The following ELP4 variants were observed in gnomAD, a reference collection of about 807,000 sequenced individuals.
ELP4 encodes the protein elongator acetyltransferase complex subunit 4.
Under a neutral mutation model 48.9 loss-of-function variants are expected in ELP4, and 51 were observed. The observed-to-expected ratio is 1.04, with a 90% CI of 0.83 to 1.32. The LOEUF (loss-of-function observed/expected upper bound fraction) is 1.32. Among genes scored for constraint, ELP4 ranks in the 40% most tolerant of loss-of-function variants. The pLI, the probability that ELP4 is intolerant of heterozygous loss-of-function variation, is 0.00. For missense variants in ELP4, 519 were observed against 514.6 expected, an observed-to-expected ratio of 1.01 and a Z score of -0.08; for synonymous variants, 210 against 189.2, an observed-to-expected ratio of 1.11 and a Z score of -0.90.
At chr11:31,770,967 C>T (rs1440367509) in intron 9 of ELP4, among the ~76,000 whole-genome samples, 1 of 152,018 alleles carries the variant, frequency 6.6e-6, no homozygotes, top group Non-Finnish European at 1.5e-5. Flanking sequence ...GAGGAGAATT[C>T]TTAAATGTCT....
intron 9 of ELP4, among the ~76,000 whole-genome samples, chr11:31,770,567 A>C (rs1458699166): frequency 1.4e-5 from 2 of 146,028 alleles, no homozygotes; most frequent in East Asian, 3.9e-4. Flanking sequence ...AAATTTCCAA[A>C]AAAAAAAAAA....
At chr11:31,713,304 A>G (rs1021413576) in intron 9 of ELP4, among the ~76,000 whole-genome samples, 3 of 152,206 alleles carry the variant, frequency 2.0e-5, no homozygotes, top group African/African-American at 2.4e-5. Context: ...GGTATAATCT[A>G]GCAATGGTAA....
chr11:31,585,483 C>A (rs1957456885), intron 3 of ELP4, among the ~76,000 whole-genome samples: 1 of 150,950 alleles, frequency 6.6e-6, no homozygotes, highest in Non-Finnish European at 1.5e-5. Flanking sequence ...CTCTTATAAC[C>A]TGAAGTTACA....
At chr11:31,716,492 A>G (rs1048535146) in intron 9 of ELP4, among the ~76,000 whole-genome samples, 2 of 152,228 alleles carry the variant, frequency 1.3e-5, no homozygotes, top group Admixed American at 6.5e-5. Flanking sequence ...GATAAGATTA[A>G]TATGCAAAGT....
chr11:31,510,308 G>A (rs1955964677), intron 1 of ELP4: 3 of 520,442 alleles, frequency 5.8e-6, no homozygotes, highest in Admixed American at 6.5e-5. Flanking sequence ...GTCAAGGGAA[G>A]ACATTAATTT....
intron 9 of ELP4, among the ~76,000 whole-genome samples, chr11:31,689,744 C>T (rs990174340): frequency 6.6e-6 from 1 of 152,166 alleles, no homozygotes; most frequent in Non-Finnish European, 1.5e-5. Flanking sequence ...TGAAACTTGA[C>T]TCTACCACTT....
At chr11:31,697,663 A>G (rs1415604530) in intron 9 of ELP4, among the ~76,000 whole-genome samples, 3 of 152,256 alleles carry the variant, frequency 2.0e-5, no homozygotes, top group African/African-American at 2.4e-5. Context: ...ATAATTTAAC[A>G]TGTATACCAC....
intron 9 of ELP4, among the ~76,000 whole-genome samples, chr11:31,753,346 A>G (rs1947767275): frequency 6.6e-6 from 1 of 152,156 alleles, no homozygotes; most frequent in African/African-American, 2.4e-5. Flanking sequence ...CCTCCTCACT[A>G]TTCCTGGATT....
chr11:31,679,477 G>T (rs1433089900), intron 9 of ELP4, among the ~76,000 whole-genome samples: 1 of 152,064 alleles, frequency 6.6e-6, no homozygotes, highest in Admixed American at 6.6e-5. Flanking sequence ...TCTCTACTTG[G>T]CTTGTAGATG....
chr11:31,688,045 C>T (rs1487167701), intron 9 of ELP4, among the ~76,000 whole-genome samples: 2 of 152,120 alleles, frequency 1.3e-5, no homozygotes, highest in Non-Finnish European at 2.9e-5. Context: ...TTAAATGAGG[C>T]CATCTGTTAA....
intron 6 of ELP4, among the ~76,000 whole-genome samples, chr11:31,631,360 C>T (rs1333664347): frequency 1.3e-5 from 2 of 152,184 alleles, no homozygotes; most frequent in East Asian, 1.9e-4. Flanking sequence ...CTTACTTTTC[C>T]CATCAATTCT....
chr11:31,697,667 A>G (rs1175798484), intron 9 of ELP4, among the ~76,000 whole-genome samples: 5 of 152,150 alleles, frequency 3.3e-5, no homozygotes, highest in Non-Finnish European at 7.4e-5. Context: ...TTTAACATGT[A>G]TACCACGTAG....
chr11:31,537,348 A>G (rs1956517560), intron 2 of ELP4, among the ~76,000 whole-genome samples: 1 of 152,122 alleles, frequency 6.6e-6, no homozygotes, highest in Non-Finnish European at 1.5e-5. Context: ...ATTCTTTTCC[A>G]CTGATATATA....
At chr11:31,558,995 T>C (rs1051622788) in intron 3 of ELP4, among the ~76,000 whole-genome samples, 1 of 152,202 alleles carries the variant, frequency 6.6e-6, no homozygotes, top group African/African-American at 2.4e-5. Context: ...CCTCAAATTC[T>C]GAAAACCAGA....
intron 5 of ELP4, among the ~76,000 whole-genome samples, chr11:31,615,915 A>G (rs928368181): frequency 1.3e-5 from 2 of 152,032 alleles, no homozygotes; most frequent in Admixed American, 1.3e-4. Context: ...CTTCATGGGG[A>G]TTGATCATAA....
chr11:31,683,673 A>G (rs1946101558), intron 9 of ELP4, among the ~76,000 whole-genome samples: 1 of 152,224 alleles, frequency 6.6e-6, no homozygotes, highest in Non-Finnish European at 1.5e-5. Context: ...TCTATTTAAA[A>G]GCCTACTGTA....
intron 9 of ELP4, among the ~76,000 whole-genome samples, chr11:31,730,303 G>T (rs773933483): frequency 4.6e-5 from 7 of 152,136 alleles, no homozygotes; most frequent in Non-Finnish European, 1.0e-4. Flanking sequence ...TCAGTGTCTG[G>T]TGAAGGCCTG....
rs536112842 is a variant in ELP4, at chr11:31,565,998, A to T, written c.381+26215A>T. On this transcript the variant is annotated intron_variant, in intron 3 of 9. Coordinates refer to ENST00000640961, the MANE Select transcript of ELP4 (RefSeq NM_019040.5). Reference sequence around the variant, plus strand: ...ATTTTCACGATATTGATTCTTCCTAACCATGAGCATGGAATGTTCTTACAT... The same window carrying T: ...ATTTTCACGATATTGATTCTTCCTATCCATGAGCATGGAATGTTCTTACAT... Among the ~76,000 whole-genome samples the T allele has an allele frequency of 9.1e-4, 138 of 152,168 alleles. 3 individuals carry two copies. In the South Asian group the frequency reaches 0.027, roughly 30 times the overall value.
chr11:31,676,201 C>G (rs1246712063), intron 9 of ELP4, among the ~76,000 whole-genome samples: 2 of 152,178 alleles, frequency 1.3e-5, no homozygotes, highest in Admixed American at 6.5e-5. Context: ...CTGCCTGTTT[C>G]CTTTACCTGA....
Sources: gnomAD v4.1 joint callset for allele counts (sites outside exome capture counted in the v4.1 genomes callset) on GRCh38, gnomAD v4.1.1 for gene constraint, MANE v1.5 for transcripts, NCBI Gene and HGNC (gene_info 2026-07-23, HGNC 2026-07-21) for gene names.